RBM12B: variants seen among roughly 807,000 people sequenced by gnomAD.
The protein encoded by RBM12B is RNA binding motif protein 12B, also known as RNA-binding protein 12B.
Under a neutral mutation model 34.3 loss-of-function variants are expected in RBM12B, and 10 were observed. The observed-to-expected ratio is 0.29, with a 90% confidence interval of 0.18 to 0.49. The LOEUF (loss-of-function observed/expected upper bound fraction) is 0.49. RBM12B is among the 20% of genes least tolerant of loss of function. The probability of loss-of-function intolerance (pLI) is 0.99; values close to 1 mark genes in which losing one functional copy is unlikely to be tolerated. For missense variants in RBM12B, 1,139 were observed against 1,262.7 expected (o/e 0.90, Z 1.48); for synonymous variants, 477 against 437.1 (o/e 1.09, Z -1.14).
At position 93,731,578 on chromosome 8, in the gene RBM12B, TTC is replaced by T. The variant is rs539420154; in HGVS notation, c.*1825_*1826del. On this transcript the variant is annotated 3_prime_UTR_variant, in exon 4 of 4. Transcript: ENST00000520560. ...CTATTTAAAACAAATTTAAGCAGAT[TTC>T]TGTTAGATTTCTTTAAATCACTGAA... The T allele has an allele frequency of 1.7e-3, 256 of 152,338 alleles. 2 individuals are homozygous for T. The highest frequency in any genetic ancestry group is 5.5e-3 in the African/African-American group (228 of 41,584). 9.4% of individuals were successfully genotyped at this position (152,338 alleles called of 1,614,324 possible).
At position 93,729,629 on chromosome 8, in the gene RBM12B, T is replaced by A. The variant is rs1811709609; in HGVS notation, c.*3776A>T. On this transcript the variant is annotated 3_prime_UTR_variant, in exon 4 of 4. Transcript: ENST00000520560. ...AGGAATACTATCCATGAAAATACTT[T>A]CATTAATGTAAAATTTTCATTATTT... 6.6e-6 allele frequency: 1 copy of A among 152,232 alleles called. No individual in the cohort carries two copies. Among genetic ancestry groups the A allele is most frequent in the Non-Finnish European group, 1.5e-5 (1 of 68,008 alleles). The allele number at this position is 152,232 out of a possible 1,614,324, so 9.4% of individuals were successfully genotyped here.
rs1460351350 is a variant in RBM12B, at chr8:93,737,341, G to A, written c.-63C>T. ...AATTTCTTGGAGACCTGTTAACTCTGTAAAAGCAACTTAACTGTGGAAAGA... is the reference window on the plus strand; with the variant it reads ...AATTTCTTGGAGACCTGTTAACTCTATAAAAGCAACTTAACTGTGGAAAGA... On this transcript the variant is annotated 5_prime_UTR_variant, in exon 3 of 4. Coordinates refer to ENST00000520560, the MANE Select transcript of RBM12B (RefSeq NM_001377960.1). 1 of 152,134 alleles carries A rather than the reference G, an allele frequency of 6.6e-6. No individual in the cohort carries two copies. Among genetic ancestry groups the A allele is most frequent in the Non-Finnish European group, 1.5e-5 (1 of 68,028 alleles). 9.4% of individuals were successfully genotyped at this position (152,134 alleles called of 1,614,324 possible).
At chr8:93,738,602 A>G (rs1223483238) in intron 2 of RBM12B, among the ~76,000 whole-genome samples, 1 of 151,988 alleles carries the variant, frequency 6.6e-6, no homozygotes, top group African/African-American at 2.4e-5. Flanking sequence ...AGCTGGGACT[A>G]CAGGTGTGCA....
chr8:93,735,358 A>G lies in RBM12B; in HGVS notation c.1053T>C (p.Arg351=), dbSNP rs769934205. 6.8e-6 allele frequency: 11 copies of G among 1,613,810 alleles called. No individual in the cohort carries two copies. The highest frequency in any genetic ancestry group is 2.2e-5 in the East Asian group (1 of 44,888). The change falls in exon 4 of 4, where the codon CGT becomes CGC. Residue 351 remains arginine (R), a synonymous_variant. Coordinates refer to ENST00000520560, the MANE Select transcript of RBM12B (RefSeq NM_001377960.1). ...TAGAAATTGGATCAATATGAACTGGACGATATTGTAAAACAGTCTTATGTA... is the reference window on the plus strand; with the variant it reads ...TAGAAATTGGATCAATATGAACTGGGCGATATTGTAAAACAGTCTTATGTA... ...LSLHKTVLQY[R]PVHIDPISRK... is the part of the protein sequence containing the mutation.
rs764462513 is a variant in RBM12B at position 93,734,241 on chromosome 8, G to A, written c.2170C>T (p.Arg724Trp). ...DFRQSPQEHF[R>W]RPPQEHFRRP... ...CGGAAATGCTCCTGAGGTGGCCTCC[G>A]GAAATGCTCCTGGGGTGACTGCCTG... Residue 724 changes from arginine to tryptophan, a missense_variant, in exon 4 of 4, where the codon CGG (arginine) becomes TGG (tryptophan). Coordinates refer to ENST00000520560, the MANE Select transcript of RBM12B (RefSeq NM_001377960.1). The A allele has an allele frequency of 1.1e-5, 17 of 1,607,318 alleles. No individual in the cohort carries two copies. Among genetic ancestry groups the A allele is most frequent in the Middle Eastern group, 1.7e-4 (1 of 6,014 alleles).
In RBM12B at chr8:93,734,533, G is replaced by T. The variant is rs756041789; in HGVS notation, c.1878C>A (p.Asp626Glu). ...EEDWRRPLEE[D>E]WRRPLEEDFR... Reference sequence around the variant, plus strand: ...AATCCTCCTCCAGTGGCCGCCTCCAGTCCTCCTCAAGGGGCCTCCTCCAGT... The same window carrying T: ...AATCCTCCTCCAGTGGCCGCCTCCATTCCTCCTCAAGGGGCCTCCTCCAGT... The change falls in exon 4 of 4, where the codon GAC becomes GAA. Residue 626 changes from aspartate to glutamate, a missense_variant. Coordinates refer to ENST00000520560, the MANE Select transcript of RBM12B (RefSeq NM_001377960.1). The T allele has an allele frequency of 6.2e-7, 1 of 1,612,956 alleles. No homozygotes were observed. The highest frequency in any genetic ancestry group is 8.5e-7 in the Non-Finnish European group (1 of 1,179,564).
Position 93,736,289 on chromosome 8 carries a change from C to T in RBM12B, c.122G>A (p.Gly41Glu). 1 of 1,614,108 alleles carries T rather than the reference C, an allele frequency of 6.2e-7. No individual in the cohort carries two copies. Among genetic ancestry groups the T allele is most frequent in the Non-Finnish European group, 8.5e-7 (1 of 1,180,038 alleles). The change falls in exon 4 of 4, where the codon GGG (glycine) becomes GAG (glutamate). Residue 41 changes from glycine (G) to glutamate (E), a missense_variant. Gly to Glu is a moderately conservative substitution (Grantham distance 98). Around this residue, in one of 3 missense-constraint regions of RBM12B, gnomAD observed 216 missense variants for 292.2 expected, o/e 0.74. Transcript: ENST00000520560. The stretch of plus-strand genomic sequence containing the variant: ...TGTTGCAAAAATAATAAAAGCCTCC[C>T]CAATTTCCCCTCCAATTATATGCAC... ...GGVHIIGGEI[G>E]EAFIIFATDE...
intron 2 of RBM12B, chr8:93,740,189 A>T (rs73694909): frequency 5.0e-6 from 2 of 396,482 alleles, no homozygotes; most frequent in East Asian, 1.4e-4. Context: ...TAAAATAAAA[A>T]CCAAAGGAAT....
chr8:93,734,752 G>A lies in RBM12B; in HGVS notation c.1659C>T (p.His553=), dbSNP rs1377680299. The change falls in exon 4 of 4, where the codon CAC becomes CAT. Residue 553 remains histidine (H), a synonymous_variant. Transcript: ENST00000520560. ...AGGAGTGTCGGAAGTCTTCTGGAGG[G>A]TGCCTGTCAGGCTGCCGGAAATCCC... ...PQRDFRQPDR[H]PPEDFRHSSE... The A allele has an allele frequency of 6.2e-7, 1 of 1,614,128 alleles. No individual in the cohort carries two copies. Among genetic ancestry groups the A allele is most frequent in the East Asian group, 2.2e-5 (1 of 44,878 alleles).
rs1223967944 is a variant in RBM12B, at chr8:93,734,165, C to T, written c.2246G>A (p.Arg749Gln). 22 of 1,570,278 alleles carry T rather than the reference C, an allele frequency of 1.4e-5. No homozygotes were observed. The highest frequency in any genetic ancestry group is 2.7e-5 in the African/African-American group (2 of 73,378). ...CCGCCGGAAGTGCTCTGGGGGAGGC[C>T]GCCTAAAATGCTCTGGAGGTGGTCT... is the stretch of plus-strand genomic sequence containing the variant. ...FRRPPPEHFRRPPPEHFRRPP... is the reference protein window; with the variant it reads ...FRRPPPEHFRQPPPEHFRRPP... The change falls in exon 4 of 4, where the codon CGG becomes CAG. Residue 749 changes from arginine to glutamine, a missense_variant. Physicochemically the swap from Arg to Gln is conservative, Grantham distance 43. This residue lies in a region of RBM12B where 863 missense variants were observed against 869.5 expected (regional missense o/e 0.99). Transcript: ENST00000520560.
At chr8:93,740,259 C>T (rs1334539567) in intron 2 of RBM12B, 1 of 455,962 alleles carries the variant, frequency 2.2e-6, no homozygotes, top group African/African-American at 2.0e-5. Flanking sequence ...CCACATGGCA[C>T]AGGATTTCTC....
At chr8:93,737,654 T>A (rs1249978265) in intron 2 of RBM12B, among the ~76,000 whole-genome samples, 1 of 152,176 alleles carries the variant, frequency 6.6e-6, no homozygotes, top group African/African-American at 2.4e-5. Flanking sequence ...ATGGAAATGT[T>A]ACATATTTTG....
rs554540512 is a variant in RBM12B, at chr8:93,728,541, G to A, written c.*4864C>T. On this transcript the variant is annotated 3_prime_UTR_variant, in exon 4 of 4. Coordinates refer to ENST00000520560, the MANE Select transcript of RBM12B (RefSeq NM_001377960.1). ...AAGTGCCTTTTTTTTTAAAGATGGTGTATTTCAAAGTATTTCATATTAATG... is the reference window on the plus strand; with the variant it reads ...AAGTGCCTTTTTTTTTAAAGATGGTATATTTCAAAGTATTTCATATTAATG... 12 of 309,336 alleles carry A rather than the reference G, an allele frequency of 3.9e-5. No homozygotes were observed. Among genetic ancestry groups the A allele is most frequent in the East Asian group, 2.7e-4 (4 of 14,684 alleles). 19.2% of individuals were successfully genotyped at this position (309,336 alleles called of 1,614,324 possible). A position where few individuals can be genotyped will look rare whatever the true frequency, so the allele number is the denominator to read the frequency against.
chr8:93,736,197 A>C lies in RBM12B; in HGVS notation c.214T>G (p.Phe72Val). Residue 72 changes from phenylalanine to valine, a missense_variant, in exon 4 of 4, where the codon TTT (phenylalanine) becomes GTT (valine). This residue lies in a region of RBM12B where 216 missense variants were observed against 292.2 expected (regional missense o/e 0.74). Coordinates refer to ENST00000520560, the MANE Select transcript of RBM12B (RefSeq NM_001377960.1). ...TGCATTTCTGCCTTGCTACTAAGAA[A>C]GAGCTCTACAGATGAATCCTTGATA... ...GFIKDSSVELFLSSKAEMQKT... is the reference protein window; with the variant it reads ...GFIKDSSVELVLSSKAEMQKT... 1 of 1,614,156 alleles carries C rather than the reference A, an allele frequency of 6.2e-7. No individual in the cohort carries two copies. The highest frequency in any genetic ancestry group is 8.5e-7 in the Non-Finnish European group (1 of 1,180,026).
Position 93,734,333 on chromosome 8 carries a change from C to T in RBM12B, c.2078G>A (p.Arg693Gln), listed in dbSNP as rs761620409. 2.3e-5 allele frequency: 37 copies of T among 1,612,788 alleles called. No homozygotes were observed. In the Admixed American group the frequency reaches 5.0e-4, roughly 22 times the overall value. Reference protein sequence around the residue: ...FRRPLQGEWRRPPEDDFRRPP... With the variant: ...FRRPLQGEWRQPPEDDFRRPP... ...CCGCCTGAAGTCATCCTCGGGTGGT[C>T]GCCTCCATTCTCCCTGAAGAGGCCG... The change falls in exon 4 of 4, where the codon CGA becomes CAA. Residue 693 changes from arginine to glutamine, a missense_variant. By Grantham distance (43) the Arg-to-Gln change is conservative. Around this residue, in one of 3 missense-constraint regions of RBM12B, gnomAD observed 863 missense variants for 869.5 expected, o/e 0.99. Coordinates refer to ENST00000520560, the MANE Select transcript of RBM12B (RefSeq NM_001377960.1).
chr8:93,735,446 T>C lies in RBM12B; in HGVS notation c.965A>G (p.Asn322Ser). 2 of 1,613,490 alleles carry C rather than the reference T, an allele frequency of 1.2e-6. No homozygotes were observed. The highest frequency in any genetic ancestry group is 2.2e-5 in the South Asian group (2 of 91,070). Residue 322 changes from asparagine (N) to serine (S), a missense_variant, in exon 4 of 4, where the codon AAT becomes AGT. Coordinates refer to ENST00000520560, the MANE Select transcript of RBM12B (RefSeq NM_001377960.1). Reference sequence around the variant, plus strand: ...CATCACAAAGGCATATCTTGTTCTATTTTCATCTTTATATAAAAACCTAAT... The same window carrying C: ...CATCACAAAGGCATATCTTGTTCTACTTTCATCTTTATATAAAAACCTAAT... ...EQIRFLYKDE[N>S]RTRYAFVMFK...
At chr8:93,739,976 T>C (rs564880564) in intron 2 of RBM12B, 21 of 302,178 alleles carry the variant, frequency 6.9e-5, no homozygotes, top group South Asian at 5.7e-4. Context: ...TCAGATCCAT[T>C]TGATTTTTAA....
Position 93,733,415 on chromosome 8 carries a change from G to A in RBM12B, c.2996C>T (p.Thr999Ile). 1 of 1,536,610 alleles carries A rather than the reference G, an allele frequency of 6.5e-7. No individual in the cohort carries two copies. Among genetic ancestry groups the A allele is most frequent in the Non-Finnish European group, 8.7e-7 (1 of 1,143,628 alleles). ...RPVGPRKVKL[T>I]LL ...AGAAATGCTCTCTCTCTACAGCAAA[G>A]TTAACTTAACTTTTCGGGGCCCAAC... The change falls in exon 4 of 4, where the codon ACT becomes ATT. Residue 999 changes from threonine (T) to isoleucine (I), a missense_variant. Physicochemically the swap from Thr to Ile is moderately conservative, Grantham distance 89. Coordinates refer to ENST00000520560, the MANE Select transcript of RBM12B (RefSeq NM_001377960.1).
In RBM12B at chr8:93,728,289, C is replaced by G; in HGVS notation, c.*5116G>C. On this transcript the variant is annotated 3_prime_UTR_variant, in exon 4 of 4. Transcript: ENST00000520560. ...AGATGTTACAGAAGAAGAAAATTTT[C>G]TTAAGTAAACTACACATTTCCATTT... 1 of 1,569,830 alleles carries G rather than the reference C, an allele frequency of 6.4e-7. No individual in the cohort carries two copies. The highest frequency in any genetic ancestry group is 1.4e-5 in the African/African-American group (1 of 72,630).
Sources: gnomAD v4.1 joint callset for allele counts (sites outside exome capture counted in the v4.1 genomes callset) on GRCh38, gnomAD v4.1.1 for gene constraint, gnomAD v4.1.1 regional missense constraint, MANE v1.5 for transcripts, NCBI Gene and HGNC (gene_info 2026-07-23, HGNC 2026-07-21) for gene names.